The following GPC6 variants were observed in gnomAD, a reference collection of about 807,000 sequenced individuals.
GPC6 encodes the protein glypican-6.
In GPC6, 14 loss-of-function variants were observed where a neutral mutation model predicts 55.2. The observed-to-expected ratio is 0.25, with a 90% CI of 0.17 to 0.40. The LOEUF (loss-of-function observed/expected upper bound fraction) is 0.40, where lower values mean the gene tolerates loss of function less well. Among genes scored for constraint, GPC6 ranks in the 10% least tolerant of loss-of-function variants. The pLI is 1.00. For missense variants in GPC6, 641 were observed against 708.5 expected (o/e 0.90, Z 1.08); for synonymous variants, 278 against 259.6 (o/e 1.07, Z -0.68).
At chr13:93,294,432 C>G (rs1196516294) in intron 1 of GPC6, among the ~76,000 whole-genome samples, 1 of 152,102 alleles carries the variant, frequency 6.6e-6, no homozygotes, top group Non-Finnish European at 1.5e-5. Context: ...ACTTCTTCCC[C>G]CACTATCCAC....
At chr13:94,052,293 G>A (rs781035316) in intron 4 of GPC6, among the ~76,000 whole-genome samples, 2 of 152,094 alleles carry the variant, frequency 1.3e-5, no homozygotes, top group Non-Finnish European at 2.9e-5. Context: ...AAGCAGAGAG[G>A]ACAGCAAGAG....
chr13:93,938,072 T>C (rs1878530893), intron 3 of GPC6, among the ~76,000 whole-genome samples: 1 of 133,154 alleles, frequency 7.5e-6, no homozygotes, highest in African/African-American at 2.8e-5. Flanking sequence ...ATGATCTTAA[T>C]ATTGGGAGCA....
chr13:93,754,817 G>A (rs956739681), intron 2 of GPC6, among the ~76,000 whole-genome samples: 3 of 151,962 alleles, frequency 2.0e-5, no homozygotes, highest in African/African-American at 7.2e-5. Context: ...TAACCTTTGA[G>A]GCCACCCAAA....
chr13:94,377,844 C>A (rs1407253315), intron 6 of GPC6, among the ~76,000 whole-genome samples: 1 of 152,114 alleles, frequency 6.6e-6, no homozygotes, highest in African/African-American at 2.4e-5. Context: ...GGCACATATA[C>A]ACCATGGAAT....
intron 4 of GPC6, among the ~76,000 whole-genome samples, chr13:94,129,011 CA>C (rs1278987581): frequency 6.6e-6 from 1 of 151,926 alleles, no homozygotes; most frequent in Non-Finnish European, 1.5e-5. Context: ...GTAACAACAA[CA>C]AAAAAGGCTC....
chr13:94,132,278 T>C (rs1443358064), intron 4 of GPC6, among the ~76,000 whole-genome samples: 1 of 152,148 alleles, frequency 6.6e-6, no homozygotes, highest in African/African-American at 2.4e-5. Flanking sequence ...AGGATCAGTG[T>C]AGTTATATTT....
At chr13:93,348,270 C>T (rs1014445965) in intron 1 of GPC6, among the ~76,000 whole-genome samples, 10 of 152,168 alleles carry the variant, frequency 6.6e-5, no homozygotes, top group Non-Finnish European at 1.2e-4. Context: ...ACAGTCTCAA[C>T]ATCATTAGTA....
chr13:93,301,133 C>T (rs572861847), intron 1 of GPC6, among the ~76,000 whole-genome samples: 1 of 152,344 alleles, frequency 6.6e-6, no homozygotes, highest in South Asian at 2.1e-4. Context: ...TTTACGCATT[C>T]ATTGACTCAA....
intron 2 of GPC6, among the ~76,000 whole-genome samples, chr13:93,581,279 A>G (rs930144062): frequency 1.8e-4 from 27 of 150,488 alleles, no homozygotes; most frequent in African/African-American, 5.5e-4. Flanking sequence ...CTAGTTATCT[A>G]TCTTTCTTTC....
Position 93,732,181 on chromosome 13 carries a change from A to G in GPC6, c.320-97973A>G, listed in dbSNP as rs528209055. ...CCTATAGTTTTCCAAAGTGATGTCC[A>G]CATGTCCCTGCAAATTTATGCTGGG... On this transcript the variant is annotated intron_variant, in intron 2 of 8. Transcript: ENST00000377047. 1.5e-4 allele frequency among the ~76,000 whole-genome samples: 23 copies of G among 152,214 alleles called. No homozygotes were observed. In the South Asian group the frequency reaches 2.1e-3, roughly 14 times the overall value.
intron 1 of GPC6, among the ~76,000 whole-genome samples, chr13:93,428,745 C>T (rs1877246466): frequency 1.3e-5 from 2 of 152,126 alleles, no homozygotes; most frequent in African/African-American, 2.4e-5. Flanking sequence ...GGAATGTTAT[C>T]AGGTGTTTTT....
Position 93,930,280 on chromosome 13 carries a change from T to C in GPC6, c.712-97449T>C, listed in dbSNP as rs1286410170. Among the ~76,000 whole-genome samples the C allele has an allele frequency of 6.3e-5, 9 of 142,846 alleles. 1 individual carries two copies. The highest frequency in any genetic ancestry group is 1.4e-4 in the Non-Finnish European group (9 of 66,216). The allele number at this position is 142,846 out of a possible 152,430, so 93.7% of individuals were successfully genotyped here. On this transcript the variant is annotated intron_variant, in intron 3 of 8. Coordinates refer to ENST00000377047, the MANE Select transcript of GPC6 (RefSeq NM_005708.5). ...AAGGTTATTGGAAACGAAAGGTTTT[T>C]TTTTTTTTGTAGACAGAGTCTCACT...
At chr13:93,902,795 G>T (rs932445911) in intron 3 of GPC6, among the ~76,000 whole-genome samples, 4 of 152,036 alleles carry the variant, frequency 2.6e-5, no homozygotes, top group African/African-American at 4.8e-5. Flanking sequence ...GTGATGTTCC[G>T]CATTTTTTCA....
At chr13:93,238,157 G>A (rs1340609307) in intron 1 of GPC6, among the ~76,000 whole-genome samples, 2 of 152,126 alleles carry the variant, frequency 1.3e-5, no homozygotes, top group Admixed American at 6.5e-5. Flanking sequence ...GCTTTTGGCA[G>A]TATGGTCATT....
intron 5 of GPC6, among the ~76,000 whole-genome samples, chr13:94,290,628 A>G (rs1874910714): frequency 6.6e-6 from 1 of 152,112 alleles, no homozygotes; most frequent in Non-Finnish European, 1.5e-5. Flanking sequence ...AATGCATTGC[A>G]CCTCACATAT....
chr13:93,896,317 G>A (rs560843739), intron 3 of GPC6, among the ~76,000 whole-genome samples: 59 of 152,078 alleles, frequency 3.9e-4, no homozygotes, highest in African/African-American at 1.1e-3. Flanking sequence ...TGTTTAAGCC[G>A]TACAGACGTT....
chr13:94,392,493 G>A (rs1272243392), intron 7 of GPC6, among the ~76,000 whole-genome samples: 4 of 138,628 alleles, frequency 2.9e-5, no homozygotes, highest in African/African-American at 1.1e-4. Context: ...CAATGGCCGT[G>A]ATCTCAGCTC....
At chr13:94,070,221 A>C (rs759191710) in intron 4 of GPC6, among the ~76,000 whole-genome samples, 1 of 151,862 alleles carries the variant, frequency 6.6e-6, no homozygotes, top group Non-Finnish European at 1.5e-5. Flanking sequence ...TTTTGAAACC[A>C]TCAAGTCTTG....
intron 2 of GPC6, among the ~76,000 whole-genome samples, chr13:93,716,060 A>G (rs1883245125): frequency 6.6e-6 from 1 of 151,736 alleles, no homozygotes; most frequent in Non-Finnish European, 1.5e-5. Context: ...TCATAACATC[A>G]TAACACAGTG....
Sources: gnomAD v4.1 joint callset for allele counts (sites outside exome capture counted in the v4.1 genomes callset) on GRCh38, gnomAD v4.1.1 for gene constraint, MANE v1.5 for transcripts, NCBI Gene and HGNC (gene_info 2026-07-23, HGNC 2026-07-21) for gene names.